The following AGER variants were observed in gnomAD, a reference collection of about 807,000 sequenced individuals.
The protein encoded by AGER is advanced glycosylation end-product specific receptor, also known as advanced glycation end product-specific receptor.
Under a neutral mutation model 48.8 loss-of-function variants are expected in AGER, and 46 were observed. The observed-to-expected ratio is 0.94, with a 90% CI of 0.74 to 1.20. The LOEUF (loss-of-function observed/expected upper bound fraction) is 1.20. AGER is among the 50% of genes most tolerant of loss of function. The pLI, the probability that AGER is intolerant of heterozygous loss-of-function variation, is 0.00. For missense variants in AGER, 489 were observed against 515.0 expected (o/e 0.95, Z 0.49); for synonymous variants, 170 against 199.9 (o/e 0.85, Z 1.26).
At position 32,182,867 on chromosome 6, in the gene AGER, G is replaced by A; in HGVS notation, c.665C>T (p.Thr222Ile). ...PGLPRHRALRTAPIQPRVWEP... is the reference protein window; with the variant it reads ...PGLPRHRALRIAPIQPRVWEP... ...CCAGACACGGGGCTGGATGGGGGCT[G>A]TGCGCAAGGCCCGGTGTCGGGGAAG... is the stretch of plus-strand genomic sequence containing the variant. The change falls in exon 6 of 11, where the codon ACA becomes ATA. Residue 222 changes from threonine to isoleucine, a missense_variant. Physicochemically the swap from Thr to Ile is moderately conservative, Grantham distance 89. Transcript: ENST00000375076. This position sits in a 1 kb window ranked among gnomAD's most constrained non-coding sequence, Gnocchi z 5.1. 1 of 1,611,582 alleles carries A rather than the reference G, an allele frequency of 6.2e-7. No homozygotes were observed. Among genetic ancestry groups the A allele is most frequent in the Non-Finnish European group, 8.5e-7 (1 of 1,179,508 alleles).
Position 32,183,643 on chromosome 6 carries a change from G to A in AGER, c.267C>T (p.Val89=), listed in dbSNP as rs35795092. The change falls in exon 3 of 11, where the codon GTC becomes GTT. Residue 89 remains valine (V), a synonymous_variant. Coordinates refer to ENST00000375076, the MANE Select transcript of AGER (RefSeq NM_001136.5). ...GGAAAATCCCCTCATCCTGGATCCCGACAGCCGGAAGGAAGAGGGAGCCGT... is the reference window on the plus strand; with the variant it reads ...GGAAAATCCCCTCATCCTGGATCCCAACAGCCGGAAGGAAGAGGGAGCCGT... The part of the protein sequence containing the change: ...LPNGSLFLPA[V]GIQDEGIFRC... The A allele has an allele frequency of 9.3e-6, 15 of 1,612,868 alleles. No homozygotes were observed. The highest frequency in any genetic ancestry group is 1.3e-5 in the Non-Finnish European group (15 of 1,180,020).
At position 32,182,025 on chromosome 6, in the gene AGER, G is replaced by A. The variant is rs778584625; in HGVS notation, c.964+222C>T. On this transcript the variant is annotated intron_variant, in intron 8 of 10. Coordinates refer to ENST00000375076, the MANE Select transcript of AGER (RefSeq NM_001136.5). This position sits in a 1 kb window ranked among gnomAD's most constrained non-coding sequence, Gnocchi z 5.1. ...TGGGATTACAGGCGTGAGCCACCGC[G>A]CCCAGCCGTCTGTTCCTTTTTTTAG... The A allele has an allele frequency of 9.3e-6, 7 of 751,982 alleles. No individual in the cohort carries two copies. Among genetic ancestry groups the A allele is most frequent in the Admixed American group, 4.1e-5 (2 of 49,300 alleles). 46.6% of individuals were successfully genotyped at this position (751,982 alleles called of 1,614,324 possible). A position where few individuals can be genotyped will look rare whatever the true frequency, so the allele number is the denominator to read the frequency against.
chr6:32,181,115 T>C lies in AGER; in HGVS notation c.*28A>G, dbSNP rs1384923259. ...GTTCAAGGGAAAAAGAAAAGGGAGC[T>C]GATGGATGGGATCTGTCTGTGGGCC... On this transcript the variant is annotated 3_prime_UTR_variant, in exon 11 of 11. Transcript: ENST00000375076. The surrounding 1 kb of genome is among the most constrained non-coding windows in gnomAD (Gnocchi z 4.1). The C allele has an allele frequency of 1.2e-6, 2 of 1,609,324 alleles. No homozygotes were observed. The highest frequency in any genetic ancestry group is 3.3e-5 in the Admixed American group (2 of 60,020).
chr6:32,182,023 G>A lies in AGER; in HGVS notation c.964+224C>T, dbSNP rs574899145. 3.4e-4 allele frequency: 251 copies of A among 745,168 alleles called. No homozygotes were observed. Among genetic ancestry groups the A allele is most frequent in the Middle Eastern group, 8.6e-4 (3 of 3,486 alleles). 46.2% of individuals were successfully genotyped at this position (745,168 alleles called of 1,614,324 possible). The stretch of plus-strand genomic sequence containing the variant: ...GTTGGGATTACAGGCGTGAGCCACC[G>A]CGCCCAGCCGTCTGTTCCTTTTTTT... On this transcript the variant is annotated intron_variant, in intron 8 of 10. Coordinates refer to ENST00000375076, the MANE Select transcript of AGER (RefSeq NM_001136.5). This position sits in a 1 kb window ranked among gnomAD's most constrained non-coding sequence, Gnocchi z 5.1.
intron 1 of AGER, 58 bp from the exon 2 acceptor site, chr6:32,184,045 G>T: frequency 6.2e-7 from 1 of 1,611,734 alleles, no homozygotes. Flanking sequence ...ACAAAATTTG[G>T]ACAGGGTGGG....
At chr6:32,183,505 C>T in intron 3 of AGER, 50 bp downstream of exon 3, 2 of 1,612,486 alleles carry the variant, frequency 1.2e-6, no homozygotes, top group Non-Finnish European at 1.7e-6. Context: ...GGGTTGAAGG[C>T]TTTTTCTTAG....
chr6:32,183,414 G>A (rs1786623065), intron 3 of AGER, 26 bp from the exon 4 acceptor site: 2 of 1,611,354 alleles, frequency 1.2e-6, no homozygotes, highest in Admixed American at 1.7e-5. Flanking sequence ...TCCAGTCAGA[G>A]GCTGTAATTG....
chr6:32,181,247 G>C lies in AGER; in HGVS notation c.1119-8C>G. 2 of 1,614,136 alleles carry C rather than the reference G, an allele frequency of 1.2e-6. No homozygotes were observed. Among genetic ancestry groups the C allele is most frequent in the Non-Finnish European group, 1.7e-6 (2 of 1,180,036 alleles). On this transcript the variant is annotated splice_polypyrimidine_tract_variant and splice_region_variant and intron_variant, in intron 10 of 10. Transcript: ENST00000375076. This position sits in a 1 kb window ranked among gnomAD's most constrained non-coding sequence, Gnocchi z 4.1. ...TGGTTTTCTGGGGCCTTCCTGAGGA[G>C]AAAGATTGGGGGGAATGCGGCACGT...
chr6:32,183,314 C>A lies in AGER; in HGVS notation c.420+10G>T. ...GGCCGTTTTCTACTTCTCCTGCTTTCTTCCACTACCTTATTGGGAACACCA... is the reference window on the plus strand; with the variant it reads ...GGCCGTTTTCTACTTCTCCTGCTTTATTCCACTACCTTATTGGGAACACCA... On this transcript the variant is annotated intron_variant, in intron 4 of 10. Coordinates refer to ENST00000375076, the MANE Select transcript of AGER (RefSeq NM_001136.5). The A allele has an allele frequency of 2.5e-6, 4 of 1,613,186 alleles. No individual in the cohort carries two copies. Among genetic ancestry groups the A allele is most frequent in the Non-Finnish European group, 3.4e-6 (4 of 1,180,044 alleles).
rs1004567640 is a variant in AGER at position 32,183,889 on chromosome 6, A to C, written c.151T>G (p.Trp51Gly). 4 of 1,612,882 alleles carry C rather than the reference A, an allele frequency of 2.5e-6. No homozygotes were observed. Among genetic ancestry groups the C allele is most frequent in the Non-Finnish European group, 3.4e-6 (4 of 1,180,012 alleles). The change falls in exon 2 of 11, where the codon TGG becomes GGG. Residue 51 changes from tryptophan to glycine, a missense_variant. Physicochemically the swap from Trp to Gly is radical, Grantham distance 184. Transcript: ENST00000375076. Reference sequence around the variant, plus strand: ...ACAGGAGCCCCGCTTACCAGTTTCCATTCCAGCCGCTGGGGTGGTTTCTTG... The same window carrying C: ...ACAGGAGCCCCGCTTACCAGTTTCCCTTCCAGCCGCTGGGGTGGTTTCTTG... ...APKKPPQRLE[W>G]KLNTGRTEAW...
At position 32,181,648 on chromosome 6, in the gene AGER, G is replaced by C. The variant is rs751347820; in HGVS notation, c.965-16C>G. On this transcript the variant is annotated splice_polypyrimidine_tract_variant and intron_variant, in intron 8 of 10. Coordinates refer to ENST00000375076, the MANE Select transcript of AGER (RefSeq NM_001136.5). This position sits in a 1 kb window ranked among gnomAD's most constrained non-coding sequence, Gnocchi z 4.1. ...TCGCCTGGTTCTGGAAGACAAAGTT[G>C]GATCCAGTCAGAAAGGAAGACTTCG... 4 of 1,612,760 alleles carry C rather than the reference G, an allele frequency of 2.5e-6. No individual in the cohort carries two copies. Among genetic ancestry groups the C allele is most frequent in the Non-Finnish European group, 2.5e-6 (3 of 1,179,860 alleles).
In AGER at chr6:32,181,390, A is replaced by AC. The variant is rs745893963; in HGVS notation, c.1078dup (p.Val360GlyfsTer36). The AC allele has an allele frequency of 1.2e-6, 2 of 1,612,720 alleles. No individual in the cohort carries two copies. Among genetic ancestry groups the AC allele is most frequent in the South Asian group, 2.2e-5 (2 of 91,058 alleles). ...GCGTTGCCGCCTTTGCCACAAGATG[A>AC]CCCCAATGAGCAGGGCGGCTGTCCC... On this transcript the variant is annotated frameshift_variant, in exon 10 of 11. Transcript: ENST00000375076. LOFTEE classifies it high-confidence loss of function. This position sits in a 1 kb window ranked among gnomAD's most constrained non-coding sequence, Gnocchi z 4.1.
chr6:32,182,501 C>T lies in AGER; in HGVS notation c.822+67G>A. 3 of 1,598,272 alleles carry T rather than the reference C, an allele frequency of 1.9e-6. No homozygotes were observed. Among genetic ancestry groups the T allele is most frequent in the African/African-American group, 2.7e-5 (2 of 74,698 alleles). ...CCTAGCCTGCCTTTCCCTCGTTAGC[C>T]CTCTGCCCTCCCTGTTGCTAGTTAT... On this transcript the variant is annotated intron_variant, in intron 7 of 10. Coordinates refer to ENST00000375076, the MANE Select transcript of AGER (RefSeq NM_001136.5). This position sits in a 1 kb window ranked among gnomAD's most constrained non-coding sequence, Gnocchi z 5.1.
chr6:32,181,933 A>G lies in AGER; in HGVS notation c.965-301T>C. 1 of 597,478 alleles carries G rather than the reference A, an allele frequency of 1.7e-6. No individual in the cohort carries two copies. The highest frequency in any genetic ancestry group is 3.0e-6 in the Non-Finnish European group (1 of 337,398). 37.0% of individuals were successfully genotyped at this position (597,478 alleles called of 1,614,324 possible). ...TTTTTAGTAGAAATGGGGTTTCTCC[A>G]TGTTGGTCAGGCTGGTCTCGAACTC... On this transcript the variant is annotated intron_variant, in intron 8 of 10. Transcript: ENST00000375076. This position sits in a 1 kb window ranked among gnomAD's most constrained non-coding sequence, Gnocchi z 4.1.
At position 32,182,457 on chromosome 6, in the gene AGER, C is replaced by A. The variant is rs1177432393; in HGVS notation, c.823-69G>T. 3.3e-5 allele frequency: 53 copies of A among 1,585,928 alleles called. No individual in the cohort carries two copies. Among genetic ancestry groups the A allele is most frequent in the Non-Finnish European group, 4.0e-5 (47 of 1,164,802 alleles). Reference sequence around the variant, plus strand: ...TTTTTGTCTCCATATCTTCAGATACCCTCTCTTCCTCCTCAGCTCCTAGCC... The same window carrying A: ...TTTTTGTCTCCATATCTTCAGATACACTCTCTTCCTCCTCAGCTCCTAGCC... On this transcript the variant is annotated intron_variant, in intron 7 of 10. Coordinates refer to ENST00000375076, the MANE Select transcript of AGER (RefSeq NM_001136.5). This position sits in a 1 kb window ranked among gnomAD's most constrained non-coding sequence, Gnocchi z 5.1.
chr6:32,183,276 C>G (rs1263236479), intron 4 of AGER, 48 bp downstream of exon 4: 1 of 1,612,976 alleles, frequency 6.2e-7, no homozygotes, highest in African/African-American at 1.3e-5. Flanking sequence ...ACACACTCGC[C>G]TCCTGTTCAC....
Position 32,184,000 on chromosome 6 carries a change from A to T in AGER, c.53-13T>A, listed in dbSNP as rs1786762292. The T allele has an allele frequency of 3.7e-6, 6 of 1,612,862 alleles. No homozygotes were observed. The highest frequency in any genetic ancestry group is 5.1e-6 in the Non-Finnish European group (6 of 1,179,996). ...CCTACTACTGCCCCTGGGAGATAGC[A>T]CCATGGTAGAGGGGTAGGAAGGGAA... On this transcript the variant is annotated splice_polypyrimidine_tract_variant and intron_variant, in intron 1 of 10. Transcript: ENST00000375076.
chr6:32,183,150 G>A lies in AGER; in HGVS notation c.472C>T (p.His158Tyr). 1 of 1,613,094 alleles carries A rather than the reference G, an allele frequency of 6.2e-7. No homozygotes were observed. The highest frequency in any genetic ancestry group is 8.5e-7 in the Non-Finnish European group (1 of 1,180,028). The change falls in exon 5 of 11, where the codon CAC (histidine) becomes TAC (tyrosine). Residue 158 changes from histidine to tyrosine, a missense_variant. His to Tyr is a moderately conservative substitution (Grantham distance 83, BLOSUM62 2). Coordinates refer to ENST00000375076, the MANE Select transcript of AGER (RefSeq NM_001136.5). ...GGCACCAGGGGCTTCCCATCCAAGT[G>A]CCAGCTAAGAGTCCCTGCAGGGTAG... ...GSYPAGTLSW[H>Y]LDGKPLVPNE...
chr6:32,183,841 T>C (rs373635167), intron 2 of AGER, 40 bp downstream of exon 2: 31 of 1,612,256 alleles, frequency 1.9e-5, no homozygotes, highest in Non-Finnish European at 2.5e-5. Flanking sequence ...ATTGCTGGTC[T>C]CCCTGGAAGT....
Sources: gnomAD v4.1 joint callset for allele counts on GRCh38, gnomAD v4.1.1 for gene constraint, Gnocchi (gnomAD v3.1) non-coding constraint, MANE v1.5 for transcripts, NCBI Gene and HGNC (gene_info 2026-07-23, HGNC 2026-07-21) for gene names.